ARHGEF18: variants seen among roughly 807,000 people sequenced by gnomAD.
The protein encoded by ARHGEF18 is rho guanine nucleotide exchange factor 18.
A neutral mutation model predicts 155.7 loss-of-function variants in ARHGEF18; 93 were observed. That is an observed-to-expected ratio of 0.60 (90% CI 0.50 to 0.71). ARHGEF18 has a LOEUF of 0.71. Ranked by LOEUF, ARHGEF18 falls within the 30% of genes least tolerant of loss-of-function variation. The pLI, the probability that ARHGEF18 is intolerant of heterozygous loss-of-function variation, is 0.00. For synonymous variants in ARHGEF18, 742 were observed against 753.1 expected, an observed-to-expected ratio of 0.99 and a Z score of 0.24; for missense variants, 1,593 against 1,816.1, an observed-to-expected ratio of 0.88 and a Z score of 2.23.
Position 7,421,037 on chromosome 19 carries a change from C to T in ARHGEF18, c.968-19307C>T, listed in dbSNP as rs529231359. ...CCTCCACCTTCCGGGCTCAAGTGGT[C>T]CTTCCACCTCAGCCTCCTGAGTAGC... On this transcript the variant is annotated intron_variant, in intron 10 of 28. Coordinates refer to ENST00000668164, the MANE Select transcript of ARHGEF18 (RefSeq NM_001367823.1). 4.4e-4 allele frequency among the ~76,000 whole-genome samples: 67 copies of T among 152,124 alleles called. No individual in the cohort carries two copies. The Middle Eastern group carries it at 0.01, about 23-fold the overall frequency.
chr19:7,383,549 G>C (rs73923386), intron 10 of ARHGEF18, among the ~76,000 whole-genome samples: 11,304 of 152,016 alleles, frequency 0.074, 1,276 homozygotes, highest in African/African-American at 0.24. Context: ...TGCACTTCTG[G>C]GGGCTTAAAG....
At chr19:7,369,184 G>A (rs1157245797) in intron 2 of ARHGEF18, among the ~76,000 whole-genome samples, 4 of 151,376 alleles carry the variant, frequency 2.6e-5, no homozygotes, top group Admixed American at 6.6e-5. Context: ...AAAATTAGGC[G>A]GGTGCAGTGA....
At chr19:7,412,849 C>T (rs1332406862) in intron 10 of ARHGEF18, among the ~76,000 whole-genome samples, 1 of 151,938 alleles carries the variant, frequency 6.6e-6, no homozygotes, top group South Asian at 2.1e-4. Context: ...AGCGTCTTTT[C>T]ATGTGCTGAC....
intron 17 of ARHGEF18, among the ~76,000 whole-genome samples, chr19:7,455,530 C>T (rs530333243): frequency 2.6e-5 from 4 of 152,208 alleles, no homozygotes; most frequent in Non-Finnish European, 4.4e-5. Flanking sequence ...CTGAGGGGCA[C>T]GAGGGGACTG....
the ARHGEF18 span, among the ~76,000 whole-genome samples, chr19:7,479,428 A>G: frequency 1.3e-5 from 2 of 152,246 alleles, no homozygotes; most frequent in South Asian, 2.1e-4. Flanking sequence ...AGGTTGCAGT[A>G]AGCCAAGATC....
At chr19:7,411,594 A>ATC in intron 10 of ARHGEF18, among the ~76,000 whole-genome samples, 1 of 151,900 alleles carries the variant, frequency 6.6e-6, no homozygotes, top group Non-Finnish European at 1.5e-5. Flanking sequence ...GGTGTCAGCC[A>ATC]CCGTGCCCAG....
chr19:7,359,865 C>T (rs1208388349), intron 1 of ARHGEF18, among the ~76,000 whole-genome samples: 2 of 151,860 alleles, frequency 1.3e-5, no homozygotes, highest in African/African-American at 4.8e-5. Context: ...CCTATAAAAA[C>T]AAAACTCAGC....
chr19:7,366,620 TTGACTA>T (rs1969896814), intron 2 of ARHGEF18, among the ~76,000 whole-genome samples: 1 of 152,218 alleles, frequency 6.6e-6, no homozygotes, highest in Non-Finnish European at 1.5e-5. Flanking sequence ...TCTATCATTC[TTGACTA>T]TAACGGTTTG....
In ARHGEF18 at chr19:7,364,393, G is replaced by GAAGA. The variant is rs1306374459; in HGVS notation, c.15+1491_15+1492insAAAG. On this transcript the variant is annotated intron_variant, in intron 2 of 28. Coordinates refer to ENST00000668164, the MANE Select transcript of ARHGEF18 (RefSeq NM_001367823.1). ...GGAAGGAAGGAAGGAAGGAAGGAAG[G>GAAGA]AAGGAAGGAAGGCAGGCTGACTAAA... Among the ~76,000 whole-genome samples, 363 of 149,110 alleles carry GAAGA rather than the reference G, an allele frequency of 2.4e-3. 4 individuals are homozygous for GAAGA. The highest frequency in any genetic ancestry group is 8.2e-3 in the African/African-American group (337 of 40,888).
chr19:7,394,986 C>G lies in ARHGEF18; in HGVS notation c.967+11783C>G, dbSNP rs1261853005. The G allele has an allele frequency of 3.2e-6, 3 of 937,840 alleles. No homozygotes were observed. The South Asian group carries it at 1.5e-4, about 46-fold the overall frequency. 58.1% of individuals were successfully genotyped at this position (937,840 alleles called of 1,614,324 possible). ...CCCCTCTCAAGGCCGAGCCGACGCC[C>G]CCTCACCACGGCTCGGGGAGCAGCA... is the stretch of plus-strand genomic sequence containing the variant. On this transcript the variant is annotated intron_variant, in intron 10 of 28. Coordinates refer to ENST00000668164, the MANE Select transcript of ARHGEF18 (RefSeq NM_001367823.1).
chr19:7,368,792 G>C (rs539309418), intron 2 of ARHGEF18, among the ~76,000 whole-genome samples: 3 of 152,182 alleles, frequency 2.0e-5, no homozygotes, highest in African/African-American at 4.8e-5. Flanking sequence ...AGCCATTTGG[G>C]GGGTAAGTGG....
At position 7,463,286 on chromosome 19, in the gene ARHGEF18, C is replaced by T. The variant is rs918356659; in HGVS notation, c.2636-532C>T. ...CGGCTCCAGTGGCCATTGTTCTTGG[C>T]CCCCTGGGGACACTCTCATATCCCG... On this transcript the variant is annotated intron_variant, in intron 21 of 28. Transcript: ENST00000668164. The surrounding 1 kb of genome is among the most constrained non-coding windows in gnomAD (Gnocchi z 5.2). Among the ~76,000 whole-genome samples, 11 of 152,140 alleles carry T rather than the reference C, an allele frequency of 7.2e-5. No individual in the cohort carries two copies. The highest frequency in any genetic ancestry group is 2.7e-4 in the African/African-American group (11 of 41,422).
rs1173679441 is a variant in ARHGEF18 at position 7,453,498 on chromosome 19, G to A, written c.1887G>A (p.Gln629=). 10 of 1,612,028 alleles carry A rather than the reference G, an allele frequency of 6.2e-6. No individual in the cohort carries two copies. The highest frequency in any genetic ancestry group is 1.1e-5 in the South Asian group (1 of 90,946). The part of the protein sequence containing the change: ...AGTEDYEDLT[Q]ALNLIKDIIS... ...CTGAGGACTATGAAGACCTGACCCA[G>A]GCCTTGAACCTCATCAAAGATATCA... The change falls in exon 17 of 29, where the codon CAG becomes CAA. Residue 629 remains glutamine, a synonymous_variant. Transcript: ENST00000668164.
chr19:7,477,584 CCA>C, the ARHGEF18 span: 3 of 615,096 alleles, frequency 4.9e-6, no homozygotes, highest in South Asian at 8.6e-5. Flanking sequence ...CCCTGACCAT[CCA>C]CAGAGACTGA....
intron 6 of ARHGEF18, 98 bp downstream of exon 6, chr19:7,378,549 CA>C: frequency 1.0e-6 from 1 of 978,062 alleles, no homozygotes; most frequent in Non-Finnish European, 1.3e-6. Flanking sequence ...TGTTGCTGGC[CA>C]TAAGTGACCA....
At chr19:7,410,944 CT>C (rs1972639811) in intron 10 of ARHGEF18, among the ~76,000 whole-genome samples, 1 of 151,458 alleles carries the variant, frequency 6.6e-6, no homozygotes, top group African/African-American at 2.4e-5. Flanking sequence ...AATAGTTTTG[CT>C]GGGACCTCTT....
intron 10 of ARHGEF18, among the ~76,000 whole-genome samples, chr19:7,418,029 G>A (rs867757667): frequency 6.6e-6 from 1 of 152,238 alleles, no homozygotes; most frequent in Non-Finnish European, 1.5e-5. Flanking sequence ...TCACAGTGAA[G>A]ACGGGTTCCT....
At chr19:7,468,150 G>T (rs138848266) in intron 26 of ARHGEF18, among the ~76,000 whole-genome samples, 1 of 151,578 alleles carries the variant, frequency 6.6e-6, no homozygotes, top group Admixed American at 6.6e-5. Flanking sequence ...GCCATGAGCC[G>T]TGATCACGCC....
At chr19:7,398,935 C>A (rs1279574730) in intron 10 of ARHGEF18, among the ~76,000 whole-genome samples, 1 of 152,186 alleles carries the variant, frequency 6.6e-6, no homozygotes, top group Admixed American at 6.6e-5. Context: ...GTTTACCTAG[C>A]ACATGTTTAA....
Sources: allele counts gnomAD v4.1 joint callset (sites outside exome capture counted in the v4.1 genomes callset), GRCh38; gene constraint gnomAD v4.1.1; non-coding constraint Gnocchi (gnomAD v3.1); transcripts MANE v1.5; gene names NCBI Gene and HGNC (gene_info 2026-07-23, HGNC 2026-07-21).